The following SPRED2 variants were observed in gnomAD, a reference collection of about 807,000 sequenced individuals.
The protein encoded by SPRED2 is sprouty related EVH1 domain containing 2, also known as sprouty-related, EVH1 domain-containing protein 2.
In SPRED2, 47 loss-of-function variants were observed where a neutral mutation model predicts 43.0. The observed-to-expected ratio is 1.09, with a 90% confidence interval of 0.87 to 1.40. The LOEUF (loss-of-function observed/expected upper bound fraction) is 1.40, where lower values mean the gene tolerates loss of function less well. Ranked by LOEUF, SPRED2 falls within the 40% of genes most tolerant of loss-of-function variation. SPRED2 has a pLI of 0.00. For missense variants in SPRED2, 561 were observed against 586.4 expected (o/e 0.96, Z 0.45); for synonymous variants, 225 against 225.7 (o/e 1.00, Z 0.03).
At position 65,316,807 on chromosome 2, in the gene SPRED2, C is replaced by G; in HGVS notation, c.515G>C (p.Cys172Ser). The change falls in exon 5 of 6, where the codon TGT becomes TCT. Residue 172 changes from cysteine to serine, a missense_variant. Physicochemically the swap from Cys to Ser is moderately radical, Grantham distance 112. This residue lies in a region of SPRED2 where 305 missense variants were observed against 282.4 expected (regional missense o/e 1.08). Transcript: ENST00000356388. ...CAGGGTATAAATCCTCCGGTGCTCACAGGATGTGGGAGAGGAGATTGTCCG... is the reference window on the plus strand; with the variant it reads ...CAGGGTATAAATCCTCCGGTGCTCAGAGGATGTGGGAGAGGAGATTGTCCG... ...PTRTISSPTS[C>S]EHRRIYTLGH... is the part of the protein sequence containing the mutation. 1 of 1,613,652 alleles carries G rather than the reference C, an allele frequency of 6.2e-7. No homozygotes were observed. The highest frequency in any genetic ancestry group is 8.5e-7 in the Non-Finnish European group (1 of 1,179,868).
At chr2:65,403,928 G>C (rs1281339459) in intron 1 of SPRED2, among the ~76,000 whole-genome samples, 1 of 152,214 alleles carries the variant, frequency 6.6e-6, no homozygotes, top group Non-Finnish European at 1.5e-5. Context: ...TTTGTGGCCA[G>C]GTGTGGTGGC....
intron 2 of SPRED2, among the ~76,000 whole-genome samples, chr2:65,339,292 G>C (rs1180107507): frequency 6.6e-6 from 1 of 151,892 alleles, no homozygotes; most frequent in Non-Finnish European, 1.5e-5. Context: ...AGGGGGGGCA[G>C]GGTGGGGAAA....
intron 1 of SPRED2, among the ~76,000 whole-genome samples, chr2:65,389,266 G>C (rs1675577985): frequency 2.8e-5 from 4 of 145,192 alleles, no homozygotes; most frequent in Non-Finnish European, 6.0e-5. Flanking sequence ...TTTTTTAAGG[G>C]AACACCTTGC....
Position 65,312,297 on chromosome 2 carries a change from T to C in SPRED2, c.*1204A>G, listed in dbSNP as rs1673091422. 1.0e-6 allele frequency: 1 copy of C among 985,440 alleles called. No individual in the cohort carries two copies. The highest frequency in any genetic ancestry group is 1.2e-6 in the Non-Finnish European group (1 of 829,916). The allele number at this position is 985,440 out of a possible 1,614,324, so 61.0% of individuals were successfully genotyped here. ...GGAAGGGTTTTTACATATGGCCTTG[T>C]TTTTTCCCCAAGTATAAATGAGGAA... On this transcript the variant is annotated 3_prime_UTR_variant, in exon 6 of 6. Coordinates refer to ENST00000356388, the MANE Select transcript of SPRED2 (RefSeq NM_181784.3).
intron 1 of SPRED2, among the ~76,000 whole-genome samples, chr2:65,351,110 T>C (rs1329590919): frequency 6.6e-6 from 1 of 152,188 alleles, no homozygotes; most frequent in Non-Finnish European, 1.5e-5. Flanking sequence ...CCCTGGCCAC[T>C]GAGGAGTGGG....
At chr2:65,361,937 C>T (rs1217375546) in intron 1 of SPRED2, among the ~76,000 whole-genome samples, 2 of 152,230 alleles carry the variant, frequency 1.3e-5, no homozygotes, top group Non-Finnish European at 2.9e-5. Context: ...CAACCCATCT[C>T]CTCCACTGGA....
At chr2:65,384,745 C>A (rs941820798) in intron 1 of SPRED2, among the ~76,000 whole-genome samples, 1 of 152,174 alleles carries the variant, frequency 6.6e-6, no homozygotes, top group Non-Finnish European at 1.5e-5. Context: ...CGGTTTCCAC[C>A]CTGTCAGGTC....
intron 4 of SPRED2, among the ~76,000 whole-genome samples, chr2:65,322,432 T>G (rs958844358): frequency 6.6e-6 from 1 of 151,440 alleles, no homozygotes; most frequent in African/African-American, 2.4e-5. Context: ...TAGCTGGGAC[T>G]ATAGGCACTT....
intron 1 of SPRED2, among the ~76,000 whole-genome samples, chr2:65,425,038 G>A (rs1676525305): frequency 6.6e-6 from 1 of 152,218 alleles, no homozygotes; most frequent in African/African-American, 2.4e-5. Context: ...TGAAAAGTCA[G>A]TACTGGAGGC....
chr2:65,323,981 C>T (rs373810471), intron 4 of SPRED2, among the ~76,000 whole-genome samples: 11 of 151,658 alleles, frequency 7.3e-5, no homozygotes, highest in African/African-American at 2.4e-4. Flanking sequence ...GGAGATGCCA[C>T]GTGGCACGGG....
intron 4 of SPRED2, among the ~76,000 whole-genome samples, chr2:65,324,054 G>A (rs1673523902): frequency 1.3e-5 from 2 of 151,538 alleles, no homozygotes; most frequent in Non-Finnish European, 2.9e-5. Context: ...TCAGAGTCAG[G>A]CAGCTTCCCA....
chr2:65,387,997 TG>T (rs1675540626), intron 1 of SPRED2, among the ~76,000 whole-genome samples: 1 of 152,180 alleles, frequency 6.6e-6, no homozygotes, highest in Admixed American at 6.5e-5. Context: ...TTCACCATGT[TG>T]GCCAGGTTGG....
At chr2:65,421,253 A>C (rs1023088901) in intron 1 of SPRED2, among the ~76,000 whole-genome samples, 1 of 152,216 alleles carries the variant, frequency 6.6e-6, no homozygotes, top group South Asian at 2.1e-4. Flanking sequence ...CAGGCACCTG[A>C]TGATACCTCT....
At chr2:65,362,824 C>T (rs1674855927) in intron 1 of SPRED2, among the ~76,000 whole-genome samples, 1 of 149,424 alleles carries the variant, frequency 6.7e-6, no homozygotes, top group African/African-American at 2.5e-5. Context: ...TGCCATTGCA[C>T]TCCAGCCTGG....
At chr2:65,372,328 G>T (rs1164497846) in intron 1 of SPRED2, among the ~76,000 whole-genome samples, 6 of 152,190 alleles carry the variant, frequency 3.9e-5, no homozygotes, top group African/African-American at 1.4e-4. Flanking sequence ...TGCACAGTAT[G>T]TTAAACAAAT....
chr2:65,401,580 G>C (rs1218120582), intron 1 of SPRED2, among the ~76,000 whole-genome samples: 1 of 151,788 alleles, frequency 6.6e-6, no homozygotes, highest in East Asian at 2.0e-4. Context: ...CAGATCATGA[G>C]GCCAGGAGAT....
chr2:65,432,265 C>G lies in SPRED2; in HGVS notation c.-278G>C. The stretch of plus-strand genomic sequence containing the variant: ...GGGGCTCGGGAGCGGGCAGAGGGGG[C>G]GAGATTTGGGAAGGGGACGGCGGTG... On this transcript the variant is annotated 5_prime_UTR_variant, in exon 1 of 6. Transcript: ENST00000356388. The G allele has an allele frequency of 2.5e-6, 1 of 406,248 alleles. No individual in the cohort carries two copies. The highest frequency in any genetic ancestry group is 4.5e-6 in the Non-Finnish European group (1 of 224,676). 25.2% of individuals were successfully genotyped at this position (406,248 alleles called of 1,614,324 possible). A position where few individuals can be genotyped will look rare whatever the true frequency, so the allele number is the denominator to read the frequency against.
intron 1 of SPRED2, among the ~76,000 whole-genome samples, chr2:65,416,030 C>T (rs1032725998): frequency 2.0e-5 from 3 of 152,166 alleles, no homozygotes; most frequent in Non-Finnish European, 4.4e-5. Flanking sequence ...AGACTAAATG[C>T]TCCCTGGTCA....
chr2:65,387,568 G>A (rs1190444693), intron 1 of SPRED2, among the ~76,000 whole-genome samples: 2 of 152,106 alleles, frequency 1.3e-5, no homozygotes, highest in African/African-American at 4.8e-5. Flanking sequence ...AGTAACTAGG[G>A]CCTACATTGG....
Sources: gnomAD v4.1 joint callset for allele counts (sites outside exome capture counted in the v4.1 genomes callset) on GRCh38, gnomAD v4.1.1 for gene constraint, gnomAD v4.1.1 regional missense constraint, MANE v1.5 for transcripts, NCBI Gene and HGNC (gene_info 2026-07-23, HGNC 2026-07-21) for gene names.